PBX1: variants seen among roughly 807,000 people sequenced by gnomAD.
The protein encoded by PBX1 is PBX homeobox 1.
Under a neutral mutation model 53.4 loss-of-function variants are expected in PBX1, and 6 were observed. The ratio of observed to expected loss-of-function variants is 0.11; its 90% CI spans 0.06 to 0.22. PBX1 has a LOEUF of 0.22. PBX1 is among the 10% of genes least tolerant of loss of function. The probability of loss-of-function intolerance (pLI) is 1.00; values close to 1 mark genes in which losing one functional copy is unlikely to be tolerated. For synonymous variants in PBX1, 204 were observed against 212.3 expected, an observed-to-expected ratio of 0.96 and a Z score of 0.34; for missense variants, 251 against 551.4, an observed-to-expected ratio of 0.46 and a Z score of 5.46.
chr1:164,785,402 A>C (rs1406680146), intron 2 of PBX1, among the ~76,000 whole-genome samples: 1 of 152,224 alleles, frequency 6.6e-6, no homozygotes, highest in Non-Finnish European at 1.5e-5. Flanking sequence ...CCTTTGGTTG[A>C]GAAGAATCAA....
chr1:164,866,894 C>T (rs1672232442), intron 2 of PBX1, among the ~76,000 whole-genome samples: 1 of 152,066 alleles, frequency 6.6e-6, no homozygotes, highest in Non-Finnish European at 1.5e-5. Context: ...TGGACACAAC[C>T]CTATGCCACC....
At chr1:164,648,407 T>G (rs1271743019) in intron 2 of PBX1, among the ~76,000 whole-genome samples, 1 of 152,234 alleles carries the variant, frequency 6.6e-6, no homozygotes, top group Non-Finnish European at 1.5e-5. Flanking sequence ...GCAAGTTCTT[T>G]GGCCACCTCC....
chr1:164,829,926 G>A (rs1452863548), intron 8 of PBX1: 1 of 151,758 alleles, frequency 6.6e-6, no homozygotes, highest in Non-Finnish European at 1.5e-5. Flanking sequence ...AAACAAGCAC[G>A]TTTTTCAAAA....
intron 2 of PBX1, among the ~76,000 whole-genome samples, chr1:164,624,046 G>T (rs1293090630): frequency 1.3e-5 from 2 of 152,120 alleles, no homozygotes; most frequent in African/African-American, 4.8e-5. Flanking sequence ...TAACGTGAGG[G>T]TCAATCTTTC....
chr1:164,864,877 GT>G (rs1373773174), intron 2 of PBX1, among the ~76,000 whole-genome samples: 1 of 152,106 alleles, frequency 6.6e-6, no homozygotes, highest in African/African-American at 2.4e-5. Context: ...CCTTTATGGT[GT>G]TGCATGGGGA....
intron 8 of PBX1, among the ~76,000 whole-genome samples, chr1:164,827,081 G>T (rs1203895595): frequency 1.3e-5 from 2 of 152,094 alleles, no homozygotes; most frequent in Admixed American, 1.3e-4. Context: ...CTATTTAAAT[G>T]AACATATTTC....
At chr1:164,624,747 A>C (rs1309006268) in intron 2 of PBX1, among the ~76,000 whole-genome samples, 1 of 152,156 alleles carries the variant, frequency 6.6e-6, no homozygotes, top group African/African-American at 2.4e-5. Flanking sequence ...CATGTGTATC[A>C]TTCCTCCATC....
chr1:164,706,140 T>C (rs1416391321), intron 2 of PBX1, among the ~76,000 whole-genome samples: 1 of 152,282 alleles, frequency 6.6e-6, no homozygotes, highest in East Asian at 1.9e-4. Context: ...TACCATTCTC[T>C]TTTGCCCCTA....
At chr1:164,564,173 C>G (rs192107533) in intron 2 of PBX1, among the ~76,000 whole-genome samples, 1 of 152,048 alleles carries the variant, frequency 6.6e-6, no homozygotes, top group Non-Finnish European at 1.5e-5. Context: ...AGATGAGGGA[C>G]AAGGGGTGGT....
At chr1:164,677,253 C>T (rs1337344206) in intron 2 of PBX1, among the ~76,000 whole-genome samples, 8 of 151,622 alleles carry the variant, frequency 5.3e-5, no homozygotes, top group African/African-American at 1.5e-4. Flanking sequence ...CCACCGCGCC[C>T]GGCTAATTTT....
intron 2 of PBX1, chr1:164,684,982 C>A (rs550145298): frequency 1.4e-4 from 22 of 152,284 alleles, no homozygotes; most frequent in African/African-American, 5.3e-4. Flanking sequence ...AGATATGTTA[C>A]CTCACGTAAT....
At chr1:164,574,676 T>C (rs1654095747) in intron 2 of PBX1, among the ~76,000 whole-genome samples, 1 of 151,890 alleles carries the variant, frequency 6.6e-6, no homozygotes, top group African/African-American at 2.4e-5. Flanking sequence ...GGGAAAAAAA[T>C]AGTGGAATTA....
chr1:164,847,627 GT>G lies in PBX1; in HGVS notation c.*953del, dbSNP rs796099230. Reference sequence around the variant, plus strand: ...CAACTATGCCTTCATAGACACACACGTTCATGCACATGTAGGCACATGTACC... The same window carrying G: ...CAACTATGCCTTCATAGACACACACGTCATGCACATGTAGGCACATGTACC... On this transcript the variant is annotated 3_prime_UTR_variant, in exon 9 of 9. Coordinates refer to ENST00000420696, the MANE Select transcript of PBX1 (RefSeq NM_002585.4). 3.8e-5 allele frequency: 40 copies of G among 1,061,392 alleles called. No individual in the cohort carries two copies. The African/African-American group carries it at 6.6e-4, about 17-fold the overall frequency. The allele number at this position is 1,061,392 out of a possible 1,614,324, so 65.7% of individuals were successfully genotyped here.
At chr1:164,676,728 C>T (rs568365884) in intron 2 of PBX1, among the ~76,000 whole-genome samples, 18 of 152,304 alleles carry the variant, frequency 1.2e-4, no homozygotes, top group Admixed American at 3.9e-4. Context: ...CTGCTTCATA[C>T]GCATTAATGT....
chr1:164,841,690 T>C (rs1671299499), intron 8 of PBX1, among the ~76,000 whole-genome samples: 1 of 152,148 alleles, frequency 6.6e-6, no homozygotes, highest in Non-Finnish European at 1.5e-5. Context: ...TCTAGCTTGA[T>C]AGAAGAGTGA....
At chr1:164,565,048 C>G (rs976222525) in intron 2 of PBX1, among the ~76,000 whole-genome samples, 4 of 151,932 alleles carry the variant, frequency 2.6e-5, no homozygotes, top group African/African-American at 9.7e-5. Flanking sequence ...TGAAAGGAAG[C>G]CTGTCAGGGC....
At chr1:164,701,623 C>T (rs1780344) in intron 2 of PBX1, among the ~76,000 whole-genome samples, 106,091 of 152,054 alleles carry the variant, frequency 0.7, 37,513 homozygotes, top group East Asian at 0.87. Context: ...CTCTCTCCCA[C>T]TCCCCTGTGG....
chr1:164,606,427 T>G (rs941126171), intron 2 of PBX1, among the ~76,000 whole-genome samples: 3 of 151,956 alleles, frequency 2.0e-5, no homozygotes, highest in Admixed American at 1.3e-4. Context: ...GAGGCGGAGG[T>G]TGCAGTGAGC....
chr1:164,727,228 T>G (rs1029683128), intron 2 of PBX1, among the ~76,000 whole-genome samples: 3 of 152,240 alleles, frequency 2.0e-5, no homozygotes, highest in Admixed American at 1.3e-4. Flanking sequence ...ATGTATTCAT[T>G]TAATGTGTGC....
Sources: allele counts gnomAD v4.1 joint callset (sites outside exome capture counted in the v4.1 genomes callset), GRCh38; gene constraint gnomAD v4.1.1; transcripts MANE v1.5; gene names NCBI Gene and HGNC (gene_info 2026-07-23, HGNC 2026-07-21).